The following ASIC2 variants were observed in gnomAD, a reference collection of about 807,000 sequenced individuals.
The protein encoded by ASIC2 is acid sensing ion channel subunit 2.
Under a neutral mutation model 57.3 loss-of-function variants are expected in ASIC2, and 25 were observed. That is an observed-to-expected ratio of 0.44 (90% confidence interval 0.32 to 0.61). ASIC2 has a LOEUF of 0.61. ASIC2 is among the 20% of genes least tolerant of loss of function. The pLI, the probability that ASIC2 is intolerant of heterozygous loss-of-function variation, is 0.06. For synonymous variants in ASIC2, 319 were observed against 307.5 expected (o/e 1.04, Z -0.39); for missense variants, 641 against 738.1 (o/e 0.87, Z 1.52).
chr17:33,776,132 C>CAAAAAAAAAAAAAAA (rs35541526), intron 1 of ASIC2, among the ~76,000 whole-genome samples: 1 of 127,502 alleles, frequency 7.8e-6, no homozygotes, highest in Non-Finnish European at 1.6e-5. Flanking sequence ...GACTCTGTCT[C>CAAAAAAAAAAAAAAA]AAAAAAAAAA....
At chr17:33,155,283 G>A (rs747292557) in intron 1 of ASIC2, among the ~76,000 whole-genome samples, 2 of 152,236 alleles carry the variant, frequency 1.3e-5, no homozygotes, top group Non-Finnish European at 2.9e-5. Context: ...GCGCCGGGTG[G>A]GCGCACTGTG....
chr17:33,797,330 AAACGTCTGGC>A (rs948934985), intron 1 of ASIC2, among the ~76,000 whole-genome samples: 23 of 152,304 alleles, frequency 1.5e-4, no homozygotes, highest in Non-Finnish European at 7.4e-5. Context: ...GATGTCAGGG[AAACGTCTGGC>A]ATGACTAGCG....
chr17:33,939,611 G>C (rs1024261259), intron 1 of ASIC2, among the ~76,000 whole-genome samples: 1 of 152,234 alleles, frequency 6.6e-6, no homozygotes, highest in Non-Finnish European at 1.5e-5. Context: ...CAAACTGGCT[G>C]TACTGGATTT....
At chr17:33,432,592 C>T (rs890849628) in intron 1 of ASIC2, among the ~76,000 whole-genome samples, 1 of 152,166 alleles carries the variant, frequency 6.6e-6, no homozygotes, top group African/African-American at 2.4e-5. Context: ...ACAACCTTTT[C>T]TCTAGCTTAC....
chr17:33,365,180 C>A (rs1424885244), intron 1 of ASIC2, among the ~76,000 whole-genome samples: 2 of 152,190 alleles, frequency 1.3e-5, no homozygotes, highest in Non-Finnish European at 2.9e-5. Flanking sequence ...ACCTCACCCC[C>A]TTTTTGCTCC....
At position 33,291,751 on chromosome 17, in the gene ASIC2, C is replaced by T. The variant is rs1256459002; in HGVS notation, c.365G>A (p.Arg122His). ...LSFPSHTRVHREWSRQLPFPA... is the reference protein window; with the variant it reads ...LSFPSHTRVHHEWSRQLPFPA... ...GAAGGGTAACTGGCGGCTCCACTCG[C>T]GGTGCACCCGCGTGTGTGACGGGAA... is the stretch of plus-strand genomic sequence containing the variant. Residue 122 changes from arginine (R) to histidine (H), a missense_variant, in exon 1 of 10, where the codon CGC (arginine) becomes CAC (histidine). By Grantham distance (29) the Arg-to-His change is conservative. Coordinates refer to ENST00000225823, the MANE Select transcript of ASIC2 (RefSeq NM_183377.2). The T allele has an allele frequency of 6.2e-7, 1 of 1,613,352 alleles. No individual in the cohort carries two copies. Among genetic ancestry groups the T allele is most frequent in the East Asian group, 2.2e-5 (1 of 44,842 alleles).
chr17:33,830,986 T>C (rs1256294684), intron 1 of ASIC2, among the ~76,000 whole-genome samples: 2 of 151,508 alleles, frequency 1.3e-5, no homozygotes, highest in Non-Finnish European at 2.9e-5. Flanking sequence ...GGCATGCACC[T>C]GTAATCCCAG....
intron 1 of ASIC2, among the ~76,000 whole-genome samples, chr17:33,441,822 T>C (rs1195654263): frequency 6.6e-6 from 1 of 152,212 alleles, no homozygotes; most frequent in Non-Finnish European, 1.5e-5. Context: ...TTTTCATCAA[T>C]CTTATGCATA....
At chr17:34,086,523 G>T (rs1449815833) in intron 1 of ASIC2, among the ~76,000 whole-genome samples, 1 of 151,958 alleles carries the variant, frequency 6.6e-6, no homozygotes, top group Non-Finnish European at 1.5e-5. Context: ...CTGTTGATTT[G>T]GGGTGGAGAG....
chr17:33,062,264 T>G (rs1187421165), intron 3 of ASIC2, among the ~76,000 whole-genome samples: 1 of 152,188 alleles, frequency 6.6e-6, no homozygotes, highest in Non-Finnish European at 1.5e-5. Context: ...AGGGTGTCAA[T>G]TTTAGATCTT....
intron 1 of ASIC2, among the ~76,000 whole-genome samples, chr17:34,108,926 T>C (rs1249052070): frequency 6.6e-6 from 1 of 152,124 alleles, no homozygotes; most frequent in Non-Finnish European, 1.5e-5. Context: ...TTGTCTAATG[T>C]TATTTTACCC....
At chr17:34,025,806 T>C (rs1322082777) in intron 1 of ASIC2, among the ~76,000 whole-genome samples, 2 of 152,196 alleles carry the variant, frequency 1.3e-5, no homozygotes, top group Non-Finnish European at 2.9e-5. Flanking sequence ...TCATGCATCA[T>C]GCATGTCAAT....
intron 1 of ASIC2, among the ~76,000 whole-genome samples, chr17:33,381,289 GT>G (rs1250515199): frequency 6.6e-6 from 1 of 152,230 alleles, no homozygotes; most frequent in Admixed American, 6.5e-5. Context: ...AACCTGACTT[GT>G]TTGGAGCAGG....
intron 1 of ASIC2, among the ~76,000 whole-genome samples, chr17:33,705,069 G>C (rs1908823475): frequency 6.6e-6 from 1 of 152,182 alleles, no homozygotes; most frequent in African/African-American, 2.4e-5. Flanking sequence ...CCTGGTGTTT[G>C]TATTTGAAAT....
intron 1 of ASIC2, among the ~76,000 whole-genome samples, chr17:33,776,132 C>CAAAAAA (rs35541526): frequency 5.5e-5 from 7 of 127,498 alleles, no homozygotes; most frequent in African/African-American, 1.8e-4. Context: ...GACTCTGTCT[C>CAAAAAA]AAAAAAAAAA....
chr17:33,181,328 A>T (rs1468176723), intron 1 of ASIC2, among the ~76,000 whole-genome samples: 1 of 152,228 alleles, frequency 6.6e-6, no homozygotes, highest in Non-Finnish European at 1.5e-5. Context: ...TTTTAATAAC[A>T]CTTTTATTAA....
chr17:33,521,344 T>G (rs549566795), intron 1 of ASIC2, among the ~76,000 whole-genome samples: 1 of 152,268 alleles, frequency 6.6e-6, no homozygotes, highest in African/African-American at 2.4e-5. Context: ...GGCCCCTGGA[T>G]AATGCGCCTG....
intron 1 of ASIC2, among the ~76,000 whole-genome samples, chr17:33,775,744 C>T (rs1911251358): frequency 6.6e-6 from 1 of 152,168 alleles, no homozygotes. Context: ...TCCACCTCCT[C>T]CTGACAGTGA....
intron 1 of ASIC2, among the ~76,000 whole-genome samples, chr17:34,132,934 C>G (rs1361052999): frequency 6.6e-6 from 1 of 152,228 alleles, no homozygotes; most frequent in Non-Finnish European, 1.5e-5. Context: ...GTCTCCTCCA[C>G]AGAGGGACCT....
Sources: gnomAD v4.1 joint callset for allele counts (sites outside exome capture counted in the v4.1 genomes callset) on GRCh38, gnomAD v4.1.1 for gene constraint, MANE v1.5 for transcripts, NCBI Gene and HGNC (gene_info 2026-07-23, HGNC 2026-07-21) for gene names.